ANKRD66: variants seen among roughly 807,000 people sequenced by gnomAD.
The protein encoded by ANKRD66 is ankyrin repeat domain 66.
In ANKRD66, 10 loss-of-function variants were observed where a neutral mutation model predicts 10.9. That is an observed-to-expected ratio of 0.91 (90% CI 0.56 to 1.55). The LOEUF is 1.55. Ranked by LOEUF, ANKRD66 falls within the 40% of genes most tolerant of loss-of-function variation. The pLI is 0.00. For synonymous variants in ANKRD66, 85 were observed against 88.4 expected (o/e 0.96, Z 0.22); for missense variants, 252 against 242.9 (o/e 1.04, Z -0.25).
chr6:46,749,035 G>T (rs1289350722), intron 1 of ANKRD66, among the ~76,000 whole-genome samples: 1 of 152,168 alleles, frequency 6.6e-6, no homozygotes, highest in Middle Eastern at 3.2e-3. Flanking sequence ...ACTTTCGTAG[G>T]CCCGTGGTCA....
chr6:46,753,766 C>A lies in ANKRD66; in HGVS notation c.208C>A (p.Pro70Thr), dbSNP rs1766316184. 6.4e-7 allele frequency: 1 copy of A among 1,551,440 alleles called. No homozygotes were observed. The highest frequency in any genetic ancestry group is 8.7e-7 in the Non-Finnish European group (1 of 1,146,954). ...GCTCCTGATAGAATATGGAGCCAGGCCCTGCCTGGTTACTAGTGTGGGCTG... is the reference window on the plus strand; with the variant it reads ...GCTCCTGATAGAATATGGAGCCAGGACCTGCCTGGTTACTAGTGTGGGCTG... ...IRLLIEYGARPCLVTSVGWTP... is the reference protein window; with the variant it reads ...IRLLIEYGARTCLVTSVGWTP... The change falls in exon 4 of 5, where the codon CCC (proline) becomes ACC (threonine). Residue 70 changes from proline (P) to threonine (T), a missense_variant. By Grantham distance (38) the Pro-to-Thr change is conservative. Transcript: ENST00000565422.
At chr6:46,754,121 A>C (rs1373596710) in intron 4 of ANKRD66, among the ~76,000 whole-genome samples, 171 bp downstream of exon 4, 1 of 152,034 alleles carries the variant, frequency 6.6e-6, no homozygotes, top group Non-Finnish European at 1.5e-5. Context: ...TTAGTGTTTC[A>C]CTTAAAAGAC....
intron 2 of ANKRD66, among the ~76,000 whole-genome samples, chr6:46,750,293 G>A: frequency 6.6e-6 from 1 of 151,794 alleles, no homozygotes; most frequent in Admixed American, 6.6e-5. Flanking sequence ...TTATTCTATT[G>A]GAAATTAAAA....
At position 46,749,948 on chromosome 6, in the gene ANKRD66, T is replaced by C. The variant is rs781112825; in HGVS notation, c.-44T>C. The C allele has an allele frequency of 5.9e-6, 9 of 1,532,936 alleles. No homozygotes were observed. In the African/African-American group the frequency reaches 1.1e-4, roughly 19 times the overall value. 95.0% of individuals were successfully genotyped at this position (1,532,936 alleles called of 1,614,324 possible). On this transcript the variant is annotated 5_prime_UTR_variant, in exon 2 of 5. It removes an upstream start codon present in the reference 5' UTR. Transcript: ENST00000565422. ...CCTGGAGGGCTTACCACAACAAAGA[T>C]GGCCGGACCCCTGCCCAGAGTTTCA...
At chr6:46,747,472 G>A (rs1211885591) in intron 1 of ANKRD66, among the ~76,000 whole-genome samples, 3 of 152,064 alleles carry the variant, frequency 2.0e-5, no homozygotes, top group Non-Finnish European at 2.9e-5. Flanking sequence ...AACCTCCATC[G>A]CAGCCCTAGG....
intron 2 of ANKRD66, among the ~76,000 whole-genome samples, chr6:46,751,172 C>T (rs1274868178): frequency 2.0e-5 from 3 of 152,168 alleles, no homozygotes; most frequent in African/African-American, 7.2e-5. Context: ...AGTTTGGTGT[C>T]ATTGCCTTGC....
At chr6:46,750,899 A>C (rs1480236737) in intron 2 of ANKRD66, among the ~76,000 whole-genome samples, 1 of 152,054 alleles carries the variant, frequency 6.6e-6, no homozygotes, top group Non-Finnish European at 1.5e-5. Context: ...CCATTGGTCT[A>C]CCAAATGGAT....
intron 4 of ANKRD66, 113 bp downstream of exon 4, chr6:46,754,063 G>C (rs943884733): frequency 1.6e-5 from 14 of 870,370 alleles, no homozygotes; most frequent in Non-Finnish European, 2.2e-5. Flanking sequence ...AGGAAATCCA[G>C]CCAATGGACT....
At chr6:46,754,082 T>A (rs1766323967) in intron 4 of ANKRD66, 132 bp downstream of exon 4, 2 of 809,606 alleles carry the variant, frequency 2.5e-6, no homozygotes, top group South Asian at 2.3e-5. Flanking sequence ...CTATTATTTT[T>A]ATTGATTTTT....
In ANKRD66 at chr6:46,753,798, A is replaced by G; in HGVS notation, c.240A>G (p.Pro80=). The G allele has an allele frequency of 1.9e-6, 3 of 1,551,688 alleles. No homozygotes were observed. The highest frequency in any genetic ancestry group is 2.6e-6 in the Non-Finnish European group (3 of 1,146,996). The stretch of plus-strand genomic sequence containing the variant: ...TGGTTACTAGTGTGGGCTGGACCCC[A>G]GCTCATTTTGCAGCAGAAGCAGGCC... ...PCLVTSVGWT[P]AHFAAEAGHL... is the part of the protein sequence containing the mutation. Residue 80 remains proline, a synonymous_variant, in exon 4 of 5, where the codon CCA becomes CCG. Coordinates refer to ENST00000565422, the MANE Select transcript of ANKRD66 (RefSeq NM_001162435.3).
chr6:46,754,481 T>C (rs757059979), intron 4 of ANKRD66, among the ~76,000 whole-genome samples: 2 of 152,218 alleles, frequency 1.3e-5, no homozygotes, highest in African/African-American at 2.4e-5. Context: ...CATTCAAACA[T>C]AATTAAGCAC....
chr6:46,750,045 T>C (rs2150726183), intron 2 of ANKRD66, 66 bp downstream of exon 2: 1 of 835,614 alleles, frequency 1.2e-6, no homozygotes, highest in East Asian at 2.7e-5. Context: ...CTGCTGCTGC[T>C]GGTCACAGTT....
chr6:46,753,776 T>C lies in ANKRD66; in HGVS notation c.218T>C (p.Val73Ala). The C allele has an allele frequency of 1.9e-6, 3 of 1,551,600 alleles. No individual in the cohort carries two copies. The highest frequency in any genetic ancestry group is 2.6e-6 in the Non-Finnish European group (3 of 1,146,966). Residue 73 changes from valine (V) to alanine (A), a missense_variant, in exon 4 of 5, where the codon GTT becomes GCT. Transcript: ENST00000565422. ...GAATATGGAGCCAGGCCCTGCCTGG[T>C]TACTAGTGTGGGCTGGACCCCAGCT... is the stretch of plus-strand genomic sequence containing the variant. ...LIEYGARPCL[V>A]TSVGWTPAHF... is the part of the protein sequence containing the mutation.
chr6:46,756,019 A>G (rs562268345), intron 4 of ANKRD66: 77 of 411,486 alleles, frequency 1.9e-4, no homozygotes, highest in South Asian at 1.3e-3. Context: ...GAACTTTTTC[A>G]TCTTGTAAAA....
At chr6:46,751,868 G>T in intron 2 of ANKRD66, 69 bp from the exon 3 acceptor site, 2 of 1,343,892 alleles carry the variant, frequency 1.5e-6, no homozygotes, top group South Asian at 3.5e-5. Context: ...TGATACAGAA[G>T]TCTATGGGAT....
At chr6:46,753,989 G>A in intron 4 of ANKRD66, 39 bp downstream of exon 4, 1 of 1,499,496 alleles carries the variant, frequency 6.7e-7, no homozygotes, top group Non-Finnish European at 9.0e-7. Flanking sequence ...AGGAGCAGAG[G>A]AACAGGAGTC....
chr6:46,758,830 C>A lies in ANKRD66; in HGVS notation c.500C>A (p.Ser167Tyr). 1 of 1,551,554 alleles carries A rather than the reference C, an allele frequency of 6.4e-7. No individual in the cohort carries two copies. The highest frequency in any genetic ancestry group is 8.7e-7 in the Non-Finnish European group (1 of 1,146,914). ...WDAKKRELEL[S>Y]LPSLNQNMNK... ...GCCAAGAAAAGGGAGCTGGAGCTGT[C>A]TCTTCCTTCCCTAAATCAAAACATG... The change falls in exon 5 of 5, where the codon TCT becomes TAT. Residue 167 changes from serine to tyrosine, a missense_variant. Transcript: ENST00000565422.
intron 2 of ANKRD66, 141 bp from the exon 3 acceptor site, chr6:46,751,796 A>G: frequency 1.2e-6 from 1 of 801,202 alleles, no homozygotes; most frequent in South Asian, 2.5e-5. Context: ...CTAAGGACAC[A>G]CTCATGCCAC....
chr6:46,754,326 A>G (rs1766328895), intron 4 of ANKRD66, among the ~76,000 whole-genome samples: 1 of 152,164 alleles, frequency 6.6e-6, no homozygotes, highest in African/African-American at 2.4e-5. Flanking sequence ...CAGTTTTCTC[A>G]TATTTAAAAC....
Sources: gnomAD v4.1 joint callset for allele counts (sites outside exome capture counted in the v4.1 genomes callset) on GRCh38, gnomAD v4.1.1 for gene constraint, MANE v1.5 for transcripts, NCBI Gene and HGNC (gene_info 2026-07-23, HGNC 2026-07-21) for gene names.